PPEF1: variants seen among roughly 807,000 people sequenced by gnomAD.
PPEF1 encodes protein phosphatase with EF-hand domain 1.
In PPEF1, 12 loss-of-function variants were observed where a neutral mutation model predicts 53.3. The ratio of observed to expected loss-of-function variants is 0.23; its 90% CI spans 0.14 to 0.36. PPEF1 has a LOEUF of 0.36. Among genes scored for constraint, PPEF1 ranks in the 10% least tolerant of loss-of-function variants. The pLI is 1.00. For missense variants in PPEF1, 334 were observed against 490.4 expected (o/e 0.68, Z 3.01); for synonymous variants, 165 against 176.7 (o/e 0.93, Z 0.52).
intron 3 of PPEF1, among the ~76,000 whole-genome samples, chrX:18,741,474 G>T (rs1419465252): frequency 2.7e-5 from 3 of 112,057 alleles, no homozygotes; most frequent in African/African-American, 6.5e-5. Flanking sequence ...GAAGGGGACA[G>T]TGGTTTAATC....
At chrX:18,731,972 C>T (rs1026164945) in intron 2 of PPEF1, among the ~76,000 whole-genome samples, 2 of 112,017 alleles carry the variant, frequency 1.8e-5, no homozygotes, top group African/African-American at 3.2e-5. Flanking sequence ...CTGCAACCTC[C>T]GCCTCCCAGG....
chrX:18,807,697 T>C (rs893151178), intron 12 of PPEF1, among the ~76,000 whole-genome samples: 10 of 111,763 alleles, frequency 8.9e-5, no homozygotes, highest in African/African-American at 3.3e-4. Flanking sequence ...TCTTGCTCTG[T>C]TGCCCAGGCT....
chrX:18,803,477 G>A (rs2046589814), intron 10 of PPEF1, among the ~76,000 whole-genome samples: 1 of 112,553 alleles, frequency 8.9e-6, no homozygotes, highest in Non-Finnish European at 1.9e-5. Flanking sequence ...ACAATTTTGA[G>A]ACAGGGTCTC....
chrX:18,718,973 G>A (rs2044519968), intron 1 of PPEF1, among the ~76,000 whole-genome samples: 1 of 112,120 alleles, frequency 8.9e-6, no homozygotes, highest in African/African-American at 3.2e-5. Context: ...TAACGAGGGA[G>A]ACATAAAACA....
At chrX:18,693,249 A>G (rs187886805) in intron 4 of PPEF1, among the ~76,000 whole-genome samples, 9 of 111,930 alleles carry the variant, frequency 8.0e-5, no homozygotes, top group Non-Finnish European at 1.5e-4. Flanking sequence ...ATTTGAAAGG[A>G]CAATCCCTGA....
chrX:18,713,041 G>T (rs1381621081), intron 1 of PPEF1, among the ~76,000 whole-genome samples: 1 of 111,621 alleles, frequency 9.0e-6, no homozygotes, highest in South Asian at 3.7e-4. Flanking sequence ...TTTTGTAGAG[G>T]AATCTTGCAA....
At chrX:18,769,823 C>T (rs962788847) in intron 6 of PPEF1, among the ~76,000 whole-genome samples, 8 of 112,040 alleles carry the variant, frequency 7.1e-5, no homozygotes, top group African/African-American at 1.3e-4. Flanking sequence ...AGAAAATTAA[C>T]GTGGAGTTGA....
At chrX:18,783,720 AAAAAAC>A (rs374958767) in intron 8 of PPEF1, among the ~76,000 whole-genome samples, 173 bp from the exon 9 acceptor site, 1 of 110,864 alleles carries the variant, frequency 9.0e-6, no homozygotes, top group African/African-American at 3.3e-5. Context: ...CATCTCAAAA[AAAAAAC>A]AAAAACAAAA....
At chrX:18,702,165 A>G (rs1437798069) in intron 6 of PPEF1, among the ~76,000 whole-genome samples, 1 of 111,745 alleles carries the variant, frequency 8.9e-6, no homozygotes, top group Non-Finnish European at 1.9e-5. Context: ...GGCCACAGAC[A>G]TCAGGCTATA....
intron 4 of PPEF1, among the ~76,000 whole-genome samples, chrX:18,695,812 C>T (rs768224591): frequency 8.9e-6 from 1 of 112,195 alleles, no homozygotes; most frequent in East Asian, 2.8e-4. Context: ...TAAGATGGAG[C>T]CTTTCGAAAG....
At chrX:18,730,750 T>C (rs374398426) in intron 2 of PPEF1, among the ~76,000 whole-genome samples, 1 of 108,791 alleles carries the variant, frequency 9.2e-6, no homozygotes, top group Non-Finnish European at 1.9e-5. Context: ...ATTTCACTCT[T>C]GTCACCCAGG....
At chrX:18,744,738 A>AT (rs1391340463) in intron 3 of PPEF1, among the ~76,000 whole-genome samples, 1 of 110,533 alleles carries the variant, frequency 9.0e-6, no homozygotes, top group African/African-American at 3.3e-5. Context: ...CTTTTGAATT[A>AT]TGTCAATTTA....
chrX:18,787,417 C>G (rs1900518299), intron 9 of PPEF1, among the ~76,000 whole-genome samples: 1 of 111,178 alleles, frequency 9.0e-6, no homozygotes, highest in Non-Finnish European at 1.9e-5. Context: ...GGAAGATTTT[C>G]TAAAACTAAG....
chrX:18,703,923 T>C (rs1373580111), upstream of PPEF1, among the ~76,000 whole-genome samples: 1 of 39,628 alleles, frequency 2.5e-5, no homozygotes, highest in Non-Finnish European at 8.0e-5. Flanking sequence ...AAACATACCT[T>C]TTTTTTTTTT....
intron 9 of PPEF1, among the ~76,000 whole-genome samples, chrX:18,787,188 T>C (rs1246813512): frequency 2.7e-5 from 3 of 111,500 alleles, no homozygotes; most frequent in African/African-American, 6.5e-5. Context: ...AGTCCAGTTT[T>C]ATAATCCCCA....
At chrX:18,719,434 C>A (rs1188384715) in intron 1 of PPEF1, among the ~76,000 whole-genome samples, 2 of 108,616 alleles carry the variant, frequency 1.8e-5, no homozygotes, top group East Asian at 5.8e-4. Flanking sequence ...GCAGCCTCAA[C>A]CTCCTGGGCT....
At chrX:18,825,976 A>C (rs1374511075) in intron 15 of PPEF1, 141 bp downstream of exon 15, 1 of 389,845 alleles carries the variant, frequency 2.6e-6, no homozygotes, top group East Asian at 4.5e-5. Context: ...GGCCTTGCTT[A>C]TGCATACTGT....
rs192161883 is a variant in PPEF1, at chrX:18,779,631, G to T, written c.725+455G>T. ...TTTTATGACATGATAATTGCTTCTG[G>T]CATTGTTGCTCATAAACATATTTAC... is the stretch of plus-strand genomic sequence containing the variant. On this transcript the variant is annotated intron_variant, in intron 7 of 15. Coordinates refer to ENST00000470157, the MANE Select transcript of PPEF1 (RefSeq NM_001377996.1). Among the ~76,000 whole-genome samples the T allele has an allele frequency of 9.8e-5, 11 of 112,120 alleles. No homozygotes were observed. In the East Asian group the frequency reaches 2.5e-3, roughly 26 times the overall value.
At chrX:18,778,913 T>C (rs957781004) in intron 6 of PPEF1, 97 bp from the exon 7 acceptor site, 1 of 866,251 alleles carries the variant, frequency 1.2e-6, no homozygotes, top group Non-Finnish European at 1.6e-6. Flanking sequence ...TGACTCAGCC[T>C]CTTTTTTCCA....
Sources: gnomAD v4.1 joint callset for allele counts (sites outside exome capture counted in the v4.1 genomes callset) on GRCh38, gnomAD v4.1.1 for gene constraint, MANE v1.5 for transcripts, NCBI Gene and HGNC (gene_info 2026-07-23, HGNC 2026-07-21) for gene names.